Variants in DPH6 observed in about 807,000 individuals in gnomAD.
The protein encoded by DPH6 is diphthine--ammonia ligase.
Under a neutral mutation model 38.2 loss-of-function variants are expected in DPH6, and 33 were observed. That is an observed-to-expected ratio of 0.86 (90% CI 0.65 to 1.15). DPH6 has a LOEUF of 1.15. Among genes scored for constraint, DPH6 ranks in the 50% most tolerant of loss-of-function variants. The pLI, the probability that DPH6 is intolerant of heterozygous loss-of-function variation, is 0.00. For synonymous variants in DPH6, 108 were observed against 103.0 expected, an observed-to-expected ratio of 1.05 and a Z score of -0.30; for missense variants, 325 against 320.0, an observed-to-expected ratio of 1.02 and a Z score of -0.12.
At chr15:35,338,959 A>G (rs1344453086) in intron 3 of DPH6, among the ~76,000 whole-genome samples, 3 of 151,732 alleles carry the variant, frequency 2.0e-5, no homozygotes, top group Non-Finnish European at 4.4e-5. Context: ...GCATGTTCTC[A>G]GTCATAGGTG....
At chr15:35,159,044 T>G in the DPH6 span, among the ~76,000 whole-genome samples, 1 of 152,140 alleles carries the variant, frequency 6.6e-6, no homozygotes, top group African/African-American at 2.4e-5. Flanking sequence ...ATATAGTCGA[T>G]GTATACTTCT....
intron 3 of DPH6, among the ~76,000 whole-genome samples, chr15:35,247,404 T>C (rs1232139046): frequency 6.6e-6 from 1 of 152,246 alleles, no homozygotes; most frequent in Non-Finnish European, 1.5e-5. Context: ...GTTTGAATGA[T>C]GTGCTGTAAT....
At chr15:35,294,156 T>C (rs1270450241) in intron 3 of DPH6, among the ~76,000 whole-genome samples, 1 of 152,166 alleles carries the variant, frequency 6.6e-6, no homozygotes, top group African/African-American at 2.4e-5. Flanking sequence ...GAAAATGCTG[T>C]AATGCCACTC....
At chr15:35,236,303 C>T (rs1467627014) in intron 3 of DPH6, among the ~76,000 whole-genome samples, 4 of 152,128 alleles carry the variant, frequency 2.6e-5, no homozygotes, top group Admixed American at 2.6e-4. Flanking sequence ...GGCCATGAAA[C>T]CCCTTAAAGG....
intron 5 of DPH6, among the ~76,000 whole-genome samples, chr15:35,431,853 T>C (rs566143653): frequency 6.6e-6 from 1 of 152,168 alleles, no homozygotes; most frequent in African/African-American, 2.4e-5. Flanking sequence ...AGTGGCGCAA[T>C]CTCGGCTCAC....
intron 3 of DPH6, among the ~76,000 whole-genome samples, chr15:35,258,087 C>T (rs1348463591): frequency 6.6e-6 from 1 of 152,110 alleles, no homozygotes; most frequent in African/African-American, 2.4e-5. Context: ...CAGCCCAATA[C>T]TGGACCAACC....
At chr15:35,224,277 T>C (rs1213418470) in intron 3 of DPH6, among the ~76,000 whole-genome samples, 3 of 151,928 alleles carry the variant, frequency 2.0e-5, no homozygotes, top group Non-Finnish European at 2.9e-5. Context: ...CAGCTAATTT[T>C]TGTATTTTTA....
At chr15:35,504,174 C>T (rs1457642193) in intron 3 of DPH6, among the ~76,000 whole-genome samples, 1 of 151,924 alleles carries the variant, frequency 6.6e-6, no homozygotes, top group East Asian at 1.9e-4. Context: ...AAAAACTCCC[C>T]ATTACTTACA....
chr15:35,363,928 C>A (rs558769497), intron 3 of DPH6, among the ~76,000 whole-genome samples: 1 of 151,816 alleles, frequency 6.6e-6, no homozygotes, highest in Non-Finnish European at 1.5e-5. Context: ...TCTCTAACAC[C>A]CTTAGTTATG....
At chr15:35,149,576 C>T in the DPH6 span, among the ~76,000 whole-genome samples, 6 of 152,254 alleles carry the variant, frequency 3.9e-5, no homozygotes, top group East Asian at 9.7e-4. Context: ...CAGACCTGAC[C>T]ACCACACGGG....
At chr15:35,409,349 A>T (rs2053335450) in intron 6 of DPH6, among the ~76,000 whole-genome samples, 1 of 151,916 alleles carries the variant, frequency 6.6e-6, no homozygotes, top group African/African-American at 2.4e-5. Flanking sequence ...AATGGGAGGA[A>T]AATAATTCTA....
chr15:35,387,948 T>C (rs1325323595), intron 6 of DPH6, among the ~76,000 whole-genome samples: 2 of 152,086 alleles, frequency 1.3e-5, no homozygotes, highest in African/African-American at 4.8e-5. Flanking sequence ...CTTCCAGTTT[T>C]TGTCCATTCA....
chr15:35,497,705 A>C (rs2054575386), intron 3 of DPH6, among the ~76,000 whole-genome samples: 1 of 152,230 alleles, frequency 6.6e-6, no homozygotes, highest in African/African-American at 2.4e-5. Context: ...GAGAGAAAAG[A>C]GGATGGTCCA....
intron 3 of DPH6, among the ~76,000 whole-genome samples, chr15:35,516,780 A>G (rs964260345): frequency 1.3e-5 from 2 of 152,142 alleles, no homozygotes; most frequent in African/African-American, 4.8e-5. Context: ...CAACTCAGTG[A>G]TGGAGATGAA....
chr15:35,436,603 G>C (rs557745172), intron 5 of DPH6, among the ~76,000 whole-genome samples: 1 of 151,358 alleles, frequency 6.6e-6, no homozygotes, highest in South Asian at 2.1e-4. Flanking sequence ...TTTCTCTCCT[G>C]TTGGAGAAAT....
the DPH6 span, among the ~76,000 whole-genome samples, chr15:35,175,174 C>T: frequency 6.6e-6 from 1 of 152,156 alleles, no homozygotes; most frequent in African/African-American, 2.4e-5. Context: ...TAATACTGTA[C>T]ATTGCCTGAC....
the DPH6 span, among the ~76,000 whole-genome samples, chr15:35,155,268 A>C: frequency 2.4e-4 from 26 of 107,676 alleles, no homozygotes; most frequent in East Asian, 6.1e-3. Context: ...CCAGAGAACT[A>C]TAAAAGTTTG....
At chr15:35,361,459 C>G (rs935974100) in intron 3 of DPH6, among the ~76,000 whole-genome samples, 1 of 151,456 alleles carries the variant, frequency 6.6e-6, no homozygotes, top group Non-Finnish European at 1.5e-5. Context: ...ATTTGGATAT[C>G]TACATCATTT....
At chr15:35,483,482 AAAAACCAAAAAAAC>A (rs1226684383) in intron 3 of DPH6, among the ~76,000 whole-genome samples, 2 of 152,014 alleles carry the variant, frequency 1.3e-5, no homozygotes, top group African/African-American at 4.8e-5. Flanking sequence ...ACCAAAAAAA[AAAAACCAAAAAAAC>A]CATAATGAGA....
Sources: allele counts gnomAD v4.1 joint callset (sites outside exome capture counted in the v4.1 genomes callset), GRCh38; gene constraint gnomAD v4.1.1; transcripts MANE v1.5; gene names NCBI Gene and HGNC (gene_info 2026-07-23, HGNC 2026-07-21).